Variants in NEGR1 observed in about 807,000 individuals in gnomAD.
NEGR1 encodes IgLON family member 4.
A neutral mutation model predicts 40.9 loss-of-function variants in NEGR1; 10 were observed. That is an observed-to-expected ratio of 0.24 (90% CI 0.15 to 0.42). The LOEUF is 0.42. Among genes scored for constraint, NEGR1 ranks in the 10% least tolerant of loss-of-function variants. The probability of loss-of-function intolerance (pLI) is 1.00; values close to 1 mark genes in which losing one functional copy is unlikely to be tolerated. For synonymous variants in NEGR1, 185 were observed against 166.8 expected, an observed-to-expected ratio of 1.11 and a Z score of -0.84; for missense variants, 352 against 438.9, an observed-to-expected ratio of 0.80 and a Z score of 1.77.
intron 2 of NEGR1, among the ~76,000 whole-genome samples, chr1:71,816,900 C>G (rs1243339671): frequency 6.6e-6 from 1 of 151,852 alleles, no homozygotes; most frequent in Non-Finnish European, 1.5e-5. Context: ...ATATTATCTA[C>G]TTTTAATCAA....
chr1:72,005,663 G>C (rs566716926), intron 1 of NEGR1, among the ~76,000 whole-genome samples: 2 of 152,100 alleles, frequency 1.3e-5, no homozygotes, highest in South Asian at 4.1e-4. Flanking sequence ...ATGCATGTTT[G>C]TTTATTCATA....
chr1:72,260,859 C>G (rs1047212924), intron 1 of NEGR1, among the ~76,000 whole-genome samples: 1 of 151,756 alleles, frequency 6.6e-6, no homozygotes, highest in Non-Finnish European at 1.5e-5. Flanking sequence ...GAAAAGTGAA[C>G]GAATTACAAA....
At chr1:71,455,460 C>A (rs1345615562) in intron 6 of NEGR1, among the ~76,000 whole-genome samples, 1 of 152,218 alleles carries the variant, frequency 6.6e-6, no homozygotes, top group Non-Finnish European at 1.5e-5. Flanking sequence ...GGCACAGTGG[C>A]TCACGCCTGT....
In NEGR1 at chr1:71,659,435, A is replaced by G. The variant is rs140976876; in HGVS notation, c.667+38573T>C. Among the ~76,000 whole-genome samples, 1,130 of 152,272 alleles carry G rather than the reference A, an allele frequency of 7.4e-3. 12 individuals are homozygous for G. Among genetic ancestry groups the G allele is most frequent in the African/African-American group, 0.026 (1,091 of 41,564 alleles). On this transcript the variant is annotated intron_variant, in intron 4 of 6. Coordinates refer to ENST00000357731, the MANE Select transcript of NEGR1 (RefSeq NM_173808.3). ...TAGGGGTGGGCAAAGATTTCATGAC[A>G]AAGACACCAAAAGCAATCACAAACA...
intron 3 of NEGR1, among the ~76,000 whole-genome samples, chr1:71,703,015 T>G (rs887136573): frequency 1.3e-5 from 2 of 152,084 alleles, no homozygotes; most frequent in African/African-American, 4.8e-5. Flanking sequence ...AATCTACATG[T>G]GTTTTCTTGT....
chr1:72,090,084 C>T (rs1480886359), intron 1 of NEGR1, among the ~76,000 whole-genome samples: 3 of 151,988 alleles, frequency 2.0e-5, no homozygotes, highest in Admixed American at 6.6e-5. Context: ...CTGATTGCTC[C>T]AAATAACTAG....
intron 1 of NEGR1, among the ~76,000 whole-genome samples, chr1:72,078,117 G>A (rs1647830157): frequency 6.6e-6 from 1 of 152,014 alleles, no homozygotes. Context: ...CAGTCAGCCT[G>A]GTTTTTCATC....
chr1:71,408,887 C>T (rs1224313579), intron 6 of NEGR1: 1 of 151,864 alleles, frequency 6.6e-6, no homozygotes, highest in Non-Finnish European at 1.5e-5. Flanking sequence ...TCACAAATGA[C>T]TATATTGCTA....
chr1:71,526,513 C>T (rs1426693972), intron 6 of NEGR1, among the ~76,000 whole-genome samples: 1 of 151,302 alleles, frequency 6.6e-6, no homozygotes, highest in Non-Finnish European at 1.5e-5. Context: ...TGGTATTTTC[C>T]CCATCTCGGT....
At chr1:72,008,463 T>C (rs1646628433) in intron 1 of NEGR1, among the ~76,000 whole-genome samples, 1 of 152,152 alleles carries the variant, frequency 6.6e-6, no homozygotes, top group African/African-American at 2.4e-5. Flanking sequence ...TGACAAGTTG[T>C]TTACATGAAG....
At position 71,470,041 on chromosome 1, in the gene NEGR1, T is replaced by C. The variant is rs996017222; in HGVS notation, c.941-62471A>G. Among the ~76,000 whole-genome samples, 3 of 152,118 alleles carry C rather than the reference T, an allele frequency of 2.0e-5. No individual in the cohort carries two copies. The South Asian group carries it at 6.2e-4, about 31-fold the overall frequency. On this transcript the variant is annotated intron_variant, in intron 6 of 6. Transcript: ENST00000357731. ...TCCTGAAAGGCTTGGCCATATCAAA[T>C]GTTTGTGTGAAATAAAGGGACTGTG...
chr1:71,681,459 A>G lies in NEGR1; in HGVS notation c.667+16549T>C, dbSNP rs565045973. Reference sequence around the variant, plus strand: ...TGGCATTCATTGTTGCTGCTGAGAAATCAACAGTCAGTGTGTTTGCTGTTG... The same window carrying G: ...TGGCATTCATTGTTGCTGCTGAGAAGTCAACAGTCAGTGTGTTTGCTGTTG... On this transcript the variant is annotated intron_variant, in intron 4 of 6. Transcript: ENST00000357731. Among the ~76,000 whole-genome samples, 288 of 152,348 alleles carry G rather than the reference A, an allele frequency of 1.9e-3. 7 individuals are homozygous for G. The highest frequency in any genetic ancestry group is 2.4e-3 in the Non-Finnish European group (165 of 68,026).
At chr1:72,080,010 A>G (rs1019154898) in intron 1 of NEGR1, among the ~76,000 whole-genome samples, 3 of 152,086 alleles carry the variant, frequency 2.0e-5, no homozygotes, top group African/African-American at 7.2e-5. Flanking sequence ...AAGAACCATT[A>G]CTTAGCTCAT....
At chr1:72,145,199 TAA>T (rs1650860558) in intron 1 of NEGR1, among the ~76,000 whole-genome samples, 1 of 152,220 alleles carries the variant, frequency 6.6e-6, no homozygotes, top group Non-Finnish European at 1.5e-5. Flanking sequence ...ATATCTGGGA[TAA>T]GATAACACTA....
intron 6 of NEGR1, among the ~76,000 whole-genome samples, chr1:71,576,484 T>C (rs1341199404): frequency 3.3e-5 from 5 of 152,198 alleles, no homozygotes; most frequent in Non-Finnish European, 7.3e-5. Context: ...TCTAGAATCT[T>C]GATGAAGAAA....
intron 1 of NEGR1, among the ~76,000 whole-genome samples, chr1:71,943,305 C>T (rs1022643564): frequency 5.4e-4 from 81 of 150,328 alleles, no homozygotes; most frequent in African/African-American, 1.9e-3. Context: ...CATATTTACA[C>T]ATGTGTGTAT....
At chr1:71,805,488 G>T (rs1019268450) in intron 2 of NEGR1, among the ~76,000 whole-genome samples, 2 of 152,086 alleles carry the variant, frequency 1.3e-5, no homozygotes, top group Admixed American at 1.3e-4. Flanking sequence ...CCGACACTTA[G>T]GGAAAATAGA....
chr1:71,548,152 A>G (rs1268529067), intron 6 of NEGR1, among the ~76,000 whole-genome samples: 1 of 151,734 alleles, frequency 6.6e-6, no homozygotes, highest in African/African-American at 2.4e-5. Context: ...CACCGCTGGA[A>G]TCCTGACCCA....
rs79587090 is a variant in NEGR1 at position 71,465,400 on chromosome 1, C to T, written c.941-57830G>A. 4.9e-3 allele frequency among the ~76,000 whole-genome samples: 743 copies of T among 152,228 alleles called. 6 individuals are homozygous for T. The highest frequency in any genetic ancestry group is 0.016 in the African/African-American group (672 of 41,556). ...TCTGAGTGGTGTTGCAATCTGCAGA[C>T]AACTTGTTCTTTGTCCTTGTCACTA... On this transcript the variant is annotated intron_variant, in intron 6 of 6. Transcript: ENST00000357731.
Sources: gnomAD v4.1 joint callset for allele counts (sites outside exome capture counted in the v4.1 genomes callset) on GRCh38, gnomAD v4.1.1 for gene constraint, MANE v1.5 for transcripts, NCBI Gene and HGNC (gene_info 2026-07-23, HGNC 2026-07-21) for gene names.